CNTN5: variants seen among roughly 807,000 people sequenced by gnomAD.
CNTN5 encodes contactin 5.
In CNTN5, 77 loss-of-function variants were observed where a neutral mutation model predicts 129.1. The ratio of observed to expected loss-of-function variants is 0.60; its 90% CI spans 0.50 to 0.72. The LOEUF is 0.72. CNTN5 is among the 30% of genes least tolerant of loss of function. CNTN5 has a pLI of 0.00. For missense variants in CNTN5, 1,478 were observed against 1,328.8 expected (o/e 1.11, Z -1.75); for synonymous variants, 509 against 465.6 (o/e 1.09, Z -1.20).
intron 21 of CNTN5, among the ~76,000 whole-genome samples, chr11:100,335,385 G>A (rs577896557): frequency 3.9e-5 from 6 of 152,090 alleles, no homozygotes; most frequent in Admixed American, 2.0e-4. Flanking sequence ...TCATAGAATC[G>A]TCACACCAGA....
chr11:99,965,514 A>T (rs868582359), intron 8 of CNTN5, among the ~76,000 whole-genome samples: 3 of 152,082 alleles, frequency 2.0e-5, no homozygotes, highest in African/African-American at 4.8e-5. Context: ...ATTGCACTGT[A>T]GTCTGAGAGA....
At chr11:99,443,373 T>A (rs1424559886) in intron 2 of CNTN5, among the ~76,000 whole-genome samples, 2 of 152,222 alleles carry the variant, frequency 1.3e-5, no homozygotes, top group East Asian at 3.8e-4. Context: ...AATGAATTGT[T>A]GTTATTGATG....
intron 1 of CNTN5, among the ~76,000 whole-genome samples, chr11:99,312,785 G>T (rs1399991665): frequency 1.4e-5 from 2 of 146,004 alleles, no homozygotes; most frequent in Non-Finnish European, 3.0e-5. Flanking sequence ...TAAATGAGAA[G>T]AAAAAAGGAT....
At chr11:99,452,937 C>T (rs1944362374) in intron 2 of CNTN5, among the ~76,000 whole-genome samples, 3 of 152,020 alleles carry the variant, frequency 2.0e-5, no homozygotes, top group African/African-American at 7.2e-5. Flanking sequence ...AGTAATTTTC[C>T]TCATCTTATA....
chr11:99,936,211 T>C (rs1950312704), intron 7 of CNTN5, among the ~76,000 whole-genome samples: 1 of 152,304 alleles, frequency 6.6e-6, no homozygotes, highest in Non-Finnish European at 1.5e-5. Context: ...TACCTAAAGA[T>C]ACTAAATAGC....
At chr11:99,673,396 A>G (rs917472299) in intron 3 of CNTN5, among the ~76,000 whole-genome samples, 23 of 152,350 alleles carry the variant, frequency 1.5e-4, no homozygotes, top group African/African-American at 5.0e-4. Context: ...TACGGATTCA[A>G]TGACTTCTGT....
chr11:99,816,711 C>G (rs537413236), intron 3 of CNTN5, among the ~76,000 whole-genome samples: 1 of 152,110 alleles, frequency 6.6e-6, no homozygotes, highest in Non-Finnish European at 1.5e-5. Context: ...CTAGAACTTA[C>G]GTTGCTCTCC....
intron 18 of CNTN5, among the ~76,000 whole-genome samples, chr11:100,278,049 C>T (rs1185519918): frequency 1.3e-5 from 2 of 152,048 alleles, no homozygotes; most frequent in East Asian, 3.8e-4. Flanking sequence ...TTTCCCAGAA[C>T]TATTTAGTGA....
intron 3 of CNTN5, among the ~76,000 whole-genome samples, chr11:99,571,412 T>A (rs1212628981): frequency 6.6e-6 from 1 of 152,162 alleles, no homozygotes. Flanking sequence ...AGTTCCAGAC[T>A]CAGTCTTATA....
At chr11:100,202,369 C>A (rs1421825860) in intron 15 of CNTN5, among the ~76,000 whole-genome samples, 1 of 151,740 alleles carries the variant, frequency 6.6e-6, no homozygotes, top group Admixed American at 6.6e-5. Context: ...TTGCCGGTAA[C>A]ATTTTCATGT....
In CNTN5 at chr11:99,818,351, G is replaced by T. The variant is rs1013630826; in HGVS notation, c.56-1193G>T. On this transcript the variant is annotated intron_variant, in intron 3 of 24. Coordinates refer to ENST00000524871, the MANE Select transcript of CNTN5 (RefSeq NM_014361.4). ...GCTCACTACAGCCTAAACCTCCCAG[G>T]CTCAAGCAATCCTCCCAGCTCAGCT... is the stretch of plus-strand genomic sequence containing the variant. 9.7e-4 allele frequency among the ~76,000 whole-genome samples: 148 copies of T among 152,056 alleles called. 1 individual carries two copies. Among genetic ancestry groups the T allele is most frequent in the African/African-American group, 3.4e-3 (143 of 41,482 alleles).
chr11:100,258,930 A>G (rs2212447), intron 17 of CNTN5, among the ~76,000 whole-genome samples: 2 of 152,066 alleles, frequency 1.3e-5, no homozygotes, highest in Non-Finnish European at 1.5e-5. Flanking sequence ...AACAGGATCA[A>G]ATTTACACAT....
intron 7 of CNTN5, among the ~76,000 whole-genome samples, chr11:99,923,825 G>T (rs891406549): frequency 5.3e-5 from 8 of 149,564 alleles, no homozygotes; most frequent in African/African-American, 7.4e-5. Flanking sequence ...GTCTTGCTCT[G>T]TTGCCAGGCT....
At position 99,405,607 on chromosome 11, in the gene CNTN5, T is replaced by TTTGGTGTGTTATATCGAATGGCTTTGA. The variant is rs1565555451; in HGVS notation, c.-71+80123_-71+80124insTTGGTGTGTTATATCGAATGGCTTTGA. On this transcript the variant is annotated intron_variant, in intron 2 of 24. Coordinates refer to ENST00000524871, the MANE Select transcript of CNTN5 (RefSeq NM_014361.4). Reference sequence around the variant, plus strand: ...TTTACCTGATAGAATTCTGAATTCCTGGCCGGGCGCGGTGGCTCACGCCTG... The same window carrying TTTGGTGTGTTATATCGAATGGCTTTGA: ...TTTACCTGATAGAATTCTGAATTCCTTTGGTGTGTTATATCGAATGGCTTTGAGGCCGGGCGCGGTGGCTCACGCCTG... Among the ~76,000 whole-genome samples, 17 of 2,960 alleles carry TTTGGTGTGTTATATCGAATGGCTTTGA rather than the reference T, an allele frequency of 5.7e-3. 8 individuals are homozygous for TTTGGTGTGTTATATCGAATGGCTTTGA. Among genetic ancestry groups the TTTGGTGTGTTATATCGAATGGCTTTGA allele is most frequent in the Admixed American group, 8.8e-3 (2 of 226 alleles). 1.9% of individuals were successfully genotyped at this position (2,960 alleles called of 152,430 possible).
chr11:100,222,595 A>T (rs1949288180), intron 15 of CNTN5, among the ~76,000 whole-genome samples: 1 of 152,002 alleles, frequency 6.6e-6, no homozygotes, highest in South Asian at 2.1e-4. Context: ...ACTTATAATC[A>T]GTACTTTTCT....
rs569831732 is a variant in CNTN5 at position 99,493,155 on chromosome 11, T to C, written c.-70-62990T>C. 1.2e-3 allele frequency among the ~76,000 whole-genome samples: 187 copies of C among 152,352 alleles called. 1 individual carries two copies. The highest frequency in any genetic ancestry group is 4.2e-3 in the African/African-American group (176 of 41,586). On this transcript the variant is annotated intron_variant, in intron 2 of 24. Coordinates refer to ENST00000524871, the MANE Select transcript of CNTN5 (RefSeq NM_014361.4). ...GCTTTGTTTGTATTTTTAACTTATATTTTAACTTATATAGTTGATGATATT... is the reference window on the plus strand; with the variant it reads ...GCTTTGTTTGTATTTTTAACTTATACTTTAACTTATATAGTTGATGATATT...
chr11:99,852,725 C>T (rs1184318244), intron 6 of CNTN5, among the ~76,000 whole-genome samples: 1 of 152,102 alleles, frequency 6.6e-6, no homozygotes, highest in Admixed American at 6.6e-5. Flanking sequence ...TATCATAGTG[C>T]TCTTTTGTTT....
chr11:99,664,921 G>T (rs1952729083), intron 3 of CNTN5, among the ~76,000 whole-genome samples: 1 of 152,116 alleles, frequency 6.6e-6, no homozygotes, highest in African/African-American at 2.4e-5. Context: ...GCCAAATGTT[G>T]TGTCTAACAC....
chr11:100,244,187 C>T (rs1949797060), intron 16 of CNTN5, among the ~76,000 whole-genome samples: 1 of 152,176 alleles, frequency 6.6e-6, no homozygotes, highest in Non-Finnish European at 1.5e-5. Flanking sequence ...TCTGATCAAA[C>T]TTAAGCCATC....
Sources: allele counts gnomAD v4.1 joint callset (sites outside exome capture counted in the v4.1 genomes callset), GRCh38; gene constraint gnomAD v4.1.1; transcripts MANE v1.5; gene names NCBI Gene and HGNC (gene_info 2026-07-23, HGNC 2026-07-21).